MAGI2: variants seen among roughly 807,000 people sequenced by gnomAD.
MAGI2 encodes membrane-associated guanylate kinase, WW and PDZ domain-containing protein 2.
A neutral mutation model predicts 133.3 loss-of-function variants in MAGI2; 35 were observed. The ratio of observed to expected loss-of-function variants is 0.26; its 90% confidence interval spans 0.20 to 0.35. The LOEUF (loss-of-function observed/expected upper bound fraction) is 0.35. Among genes scored for constraint, MAGI2 ranks in the 10% least tolerant of loss-of-function variants. The pLI is 1.00. For synonymous variants in MAGI2, 729 were observed against 710.6 expected (o/e 1.03, Z -0.41); for missense variants, 1,636 against 1,863.4 (o/e 0.88, Z 2.25).
intron 1 of MAGI2, among the ~76,000 whole-genome samples, chr7:79,299,575 A>G (rs1395873420): frequency 1.3e-5 from 2 of 150,794 alleles, no homozygotes; most frequent in South Asian, 2.1e-4. Context: ...AAAAAAAAAG[A>G]TATCTTTATT....
At chr7:78,453,833 G>A (rs1789003838) in intron 6 of MAGI2, among the ~76,000 whole-genome samples, 2 of 152,050 alleles carry the variant, frequency 1.3e-5, no homozygotes, top group Admixed American at 1.3e-4. Context: ...CCTTTAACAT[G>A]ACATTTGTTG....
intron 2 of MAGI2, among the ~76,000 whole-genome samples, chr7:78,997,949 C>T (rs1806475829): frequency 6.6e-6 from 1 of 152,176 alleles, no homozygotes; most frequent in Admixed American, 6.5e-5. Context: ...CTTTATGTCA[C>T]ATCTCAACTC....
chr7:78,926,300 T>C (rs764094056), intron 2 of MAGI2, among the ~76,000 whole-genome samples: 1 of 152,050 alleles, frequency 6.6e-6, no homozygotes, highest in Non-Finnish European at 1.5e-5. Context: ...CAGAACTCCA[T>C]ATAATGCCTA....
intron 1 of MAGI2, among the ~76,000 whole-genome samples, chr7:79,171,411 T>A (rs1825530184): frequency 6.6e-6 from 1 of 151,972 alleles, no homozygotes; most frequent in Admixed American, 6.6e-5. Flanking sequence ...ATGTTTCCAA[T>A]GACCCAATTT....
intron 9 of MAGI2, among the ~76,000 whole-genome samples, chr7:78,328,628 G>A (rs1788852271): frequency 6.6e-6 from 1 of 151,434 alleles, no homozygotes; most frequent in African/African-American, 2.4e-5. Context: ...GTCCATGAAA[G>A]ACTCCTCTGA....
At chr7:78,060,925 G>A (rs899182449) in intron 21 of MAGI2, among the ~76,000 whole-genome samples, 1 of 152,062 alleles carries the variant, frequency 6.6e-6, no homozygotes, top group African/African-American at 2.4e-5. Flanking sequence ...CAACACTATG[G>A]GGGGCCAAGG....
At chr7:78,476,542 T>G (rs947003364) in intron 6 of MAGI2, among the ~76,000 whole-genome samples, 4 of 152,006 alleles carry the variant, frequency 2.6e-5, no homozygotes, top group African/African-American at 9.7e-5. Flanking sequence ...CAATTTCACA[T>G]TGATTTTGCA....
intron 6 of MAGI2, among the ~76,000 whole-genome samples, chr7:78,447,536 A>G (rs1015623110): frequency 2.6e-5 from 4 of 152,074 alleles, no homozygotes; most frequent in African/African-American, 4.8e-5. Context: ...TGGATACCCA[A>G]TGGGGATCTG....
intron 1 of MAGI2, among the ~76,000 whole-genome samples, chr7:79,249,320 G>A (rs1214257603): frequency 2.0e-5 from 3 of 151,584 alleles, no homozygotes; most frequent in Non-Finnish European, 2.9e-5. Context: ...GAATTGAAAC[G>A]AAGAAAACAA....
chr7:78,533,447 CAT>C (rs1341678180), intron 3 of MAGI2, among the ~76,000 whole-genome samples: 1 of 152,142 alleles, frequency 6.6e-6, no homozygotes, highest in Non-Finnish European at 1.5e-5. Context: ...GAGGAAGTGT[CAT>C]GTGTAATTTC....
chr7:79,378,076 T>G (rs1843501268), intron 1 of MAGI2, among the ~76,000 whole-genome samples: 1 of 151,794 alleles, frequency 6.6e-6, no homozygotes, highest in Non-Finnish European at 1.5e-5. Flanking sequence ...AGTTCTCAAA[T>G]TTTGGGGGTC....
chr7:79,170,271 C>T lies in MAGI2; in HGVS notation c.302-163065G>A, dbSNP rs1025161276. 4.0e-5 allele frequency among the ~76,000 whole-genome samples: 6 copies of T among 150,988 alleles called. No homozygotes were observed. The East Asian group carries it at 1.2e-3, about 30-fold the overall frequency. On this transcript the variant is annotated intron_variant, in intron 1 of 21. Coordinates refer to ENST00000354212, the MANE Select transcript of MAGI2 (RefSeq NM_012301.4). ...AATTTTCCCAGGCACCTTAAACTCCCCAGCAATCTTCCTGCTTCAGCCTTC... is the reference window on the plus strand; with the variant it reads ...AATTTTCCCAGGCACCTTAAACTCCTCAGCAATCTTCCTGCTTCAGCCTTC...
At chr7:78,906,920 G>A (rs997723741) in intron 2 of MAGI2, among the ~76,000 whole-genome samples, 6 of 152,078 alleles carry the variant, frequency 3.9e-5, no homozygotes, top group African/African-American at 1.4e-4. Flanking sequence ...CCATGTGGAA[G>A]GGGGAGGAAA....
chr7:78,930,260 T>C (rs991930579), intron 2 of MAGI2, among the ~76,000 whole-genome samples: 3 of 152,126 alleles, frequency 2.0e-5, no homozygotes, highest in African/African-American at 7.2e-5. Context: ...TTAGCACCAC[T>C]GAAAAGGGTT....
At chr7:79,192,596 G>A (rs1189121054) in intron 1 of MAGI2, among the ~76,000 whole-genome samples, 1 of 151,830 alleles carries the variant, frequency 6.6e-6, no homozygotes, top group African/African-American at 2.4e-5. Flanking sequence ...GCAAATATGT[G>A]TGAAGACCCT....
intron 1 of MAGI2, among the ~76,000 whole-genome samples, chr7:79,012,989 C>A: frequency 6.6e-6 from 1 of 152,200 alleles, no homozygotes; most frequent in East Asian, 1.9e-4. Flanking sequence ...ATTTAATTAC[C>A]TGTCAAATAG....
intron 1 of MAGI2, among the ~76,000 whole-genome samples, chr7:79,279,025 C>T (rs987843290): frequency 2.0e-5 from 3 of 151,988 alleles, no homozygotes; most frequent in Admixed American, 2.0e-4. Flanking sequence ...AGCAAAGGTC[C>T]CCCAGCTGAA....
chr7:78,997,460 G>A (rs745948028), intron 2 of MAGI2, among the ~76,000 whole-genome samples: 2 of 152,042 alleles, frequency 1.3e-5, no homozygotes, highest in Non-Finnish European at 1.5e-5. Flanking sequence ...AAATTAGCTG[G>A]GCATGGTGGT....
chr7:78,431,074 C>CTGTGTGTGTGTGTGTGTGTG (rs147567944), intron 6 of MAGI2, among the ~76,000 whole-genome samples: 222 of 146,504 alleles, frequency 1.5e-3, no homozygotes, highest in African/African-American at 4.7e-3. Context: ...GTGAGGTAGG[C>CTGTGTGTGTGTGTGTGTGTG]TGTGTGTGTG....
Sources: gnomAD v4.1 joint callset for allele counts (sites outside exome capture counted in the v4.1 genomes callset) on GRCh38, gnomAD v4.1.1 for gene constraint, MANE v1.5 for transcripts, NCBI Gene and HGNC (gene_info 2026-07-23, HGNC 2026-07-21) for gene names.